Variants in ARHGAP29 observed in about 807,000 individuals in gnomAD.
ARHGAP29 encodes Rho GTPase activating protein 29.
ARHGAP29 carries 43 observed loss-of-function variants against 122.6 expected under a neutral mutation model. The ratio of observed to expected loss-of-function variants is 0.35; its 90% CI spans 0.27 to 0.45. The LOEUF is 0.45. Among genes scored for constraint, ARHGAP29 ranks in the 20% least tolerant of loss-of-function variants. The probability of loss-of-function intolerance (pLI) is 1.00; values close to 1 mark genes in which losing one functional copy is unlikely to be tolerated. For synonymous variants in ARHGAP29, 506 were observed against 497.1 expected (o/e 1.02, Z -0.24); for missense variants, 1,303 against 1,477.2 (o/e 0.88, Z 1.93).
the ARHGAP29 span, among the ~76,000 whole-genome samples, chr1:94,289,541 G>A: frequency 6.6e-6 from 1 of 152,206 alleles, no homozygotes; most frequent in African/African-American, 2.4e-5. Context: ...GAATAGGAAT[G>A]GTAAGAGAGG....
intron 2 of ARHGAP29, among the ~76,000 whole-genome samples, chr1:94,222,850 CTG>C (rs1280332530): frequency 6.6e-6 from 1 of 152,096 alleles, no homozygotes; most frequent in African/African-American, 2.4e-5. Context: ...AAATCTAAAC[CTG>C]TTCTAAAAAA....
chr1:94,186,027 T>C (rs1170060934), intron 16 of ARHGAP29, among the ~76,000 whole-genome samples: 2 of 152,176 alleles, frequency 1.3e-5, no homozygotes, highest in Non-Finnish European at 2.9e-5. Flanking sequence ...AAACACAAAA[T>C]GAATTTATAT....
At chr1:94,250,657 C>G (rs1570605551) in intron 1 of ARHGAP29, 2 of 152,176 alleles carry the variant, frequency 1.3e-5, no homozygotes, top group East Asian at 3.8e-4. Flanking sequence ...AGACCTCATG[C>G]TGGAAATGAA....
chr1:94,186,475 A>C (rs997109015), intron 16 of ARHGAP29, 24 bp downstream of exon 16: 15 of 1,537,882 alleles, frequency 9.8e-6, no homozygotes, highest in Non-Finnish European at 1.3e-5. Flanking sequence ...GTTTAGTGGG[A>C]CTTAATTCAG....
At chr1:94,178,282 G>T in intron 20 of ARHGAP29, 115 bp from the exon 21 acceptor site, 1 of 956,052 alleles carries the variant, frequency 1.0e-6, no homozygotes, top group Non-Finnish European at 1.5e-6. Flanking sequence ...AAATACTAGG[G>T]GGAAAAAGTC....
upstream of ARHGAP29, among the ~76,000 whole-genome samples, chr1:94,239,098 A>C (rs970018063): frequency 6.6e-6 from 1 of 152,096 alleles, no homozygotes; most frequent in African/African-American, 2.4e-5. Context: ...AACCTCAAAA[A>C]CCAAAATTCC....
intron 3 of ARHGAP29, among the ~76,000 whole-genome samples, chr1:94,217,492 C>G (rs1652018257): frequency 6.7e-6 from 1 of 149,308 alleles, no homozygotes; most frequent in African/African-American, 2.5e-5. Flanking sequence ...CGAGATCATG[C>G]CACTGCACTC....
chr1:94,206,706 G>C (rs1287796537), intron 5 of ARHGAP29, among the ~76,000 whole-genome samples: 2 of 151,950 alleles, frequency 1.3e-5, no homozygotes, highest in African/African-American at 2.4e-5. Flanking sequence ...AGGCCAGCCT[G>C]ACCAACATGG....
chr1:94,253,638 ACG>A (rs1208860095), intron 1 of ARHGAP29, among the ~76,000 whole-genome samples: 1 of 94,038 alleles, frequency 1.1e-5, no homozygotes, highest in Admixed American at 1.1e-4. Context: ...TGGAACACAC[ACG>A]CACGCACGCA....
chr1:94,178,478 T>TA (rs1326749327), intron 20 of ARHGAP29, among the ~76,000 whole-genome samples: 1 of 146,996 alleles, frequency 6.8e-6, no homozygotes, highest in African/African-American at 2.5e-5. Context: ...CCCAAGTCCT[T>TA]ATACTGGGAA....
chr1:94,271,677 G>A (rs764016710), intron 1 of ARHGAP29, among the ~76,000 whole-genome samples: 12 of 152,244 alleles, frequency 7.9e-5, no homozygotes, highest in East Asian at 3.9e-4. Context: ...GACACAGGAC[G>A]TCTTTATGAG....
At chr1:94,256,684 G>T (rs894057937) in intron 1 of ARHGAP29, among the ~76,000 whole-genome samples, 2 of 149,610 alleles carry the variant, frequency 1.3e-5, no homozygotes, top group Non-Finnish European at 3.0e-5. Flanking sequence ...TCAGCCTCCC[G>T]AGTAGCTGGG....
intron 19 of ARHGAP29, among the ~76,000 whole-genome samples, chr1:94,182,239 G>A (rs189901904): frequency 0.013 from 2,031 of 151,922 alleles, 47 homozygotes; most frequent in African/African-American, 0.047. Context: ...AAGAAAGATA[G>A]AGCTGAGGAA....
rs546385362 is a variant in ARHGAP29, at chr1:94,218,784, G to A, written c.340+1474C>T. 7.9e-4 allele frequency among the ~76,000 whole-genome samples: 120 copies of A among 152,232 alleles called. 1 individual carries two copies. The South Asian group carries it at 0.013, about 17-fold the overall frequency. ...AACCACACAAACATGATAAATCTATGTCAAAAAGTGCTGGTAGGGGTGGTT... is the reference window on the plus strand; with the variant it reads ...AACCACACAAACATGATAAATCTATATCAAAAAGTGCTGGTAGGGGTGGTT... On this transcript the variant is annotated intron_variant, in intron 3 of 22. Transcript: ENST00000260526.
the ARHGAP29 span, among the ~76,000 whole-genome samples, chr1:94,293,090 C>A: frequency 2.6e-5 from 4 of 152,262 alleles, no homozygotes; most frequent in African/African-American, 4.8e-5. Flanking sequence ...AGGCAGTAGG[C>A]CTTGCTGAGC....
intron 12 of ARHGAP29, among the ~76,000 whole-genome samples, chr1:94,196,256 C>CT (rs917635883): frequency 0.67 from 60,708 of 90,682 alleles, 20,046 homozygotes; most frequent in Non-Finnish European, 0.75. Context: ...CCGTGTTTTT[C>CT]TTTTTTTTTT....
At chr1:94,264,297 G>T (rs1327265472) in intron 1 of ARHGAP29, among the ~76,000 whole-genome samples, 1 of 152,086 alleles carries the variant, frequency 6.6e-6, no homozygotes, top group East Asian at 1.9e-4. Flanking sequence ...ATTAGATTCT[G>T]TGTTAATTCT....
intron 1 of ARHGAP29, among the ~76,000 whole-genome samples, chr1:94,271,931 G>A (rs1460175319): frequency 6.6e-6 from 1 of 152,216 alleles, no homozygotes; most frequent in Non-Finnish European, 1.5e-5. Flanking sequence ...TAGGTAAGAA[G>A]TGCCCCCATC....
chr1:94,209,208 T>A, intron 4 of ARHGAP29, 46 bp downstream of exon 4: 1 of 1,334,488 alleles, frequency 7.5e-7, no homozygotes, highest in Non-Finnish European at 1.1e-6. Flanking sequence ...ATACTCTCAC[T>A]AAGACACCTA....
Sources: gnomAD v4.1 joint callset for allele counts (sites outside exome capture counted in the v4.1 genomes callset) on GRCh38, gnomAD v4.1.1 for gene constraint, MANE v1.5 for transcripts, NCBI Gene and HGNC (gene_info 2026-07-23, HGNC 2026-07-21) for gene names.